The following PTPRM variants were observed in gnomAD, a reference collection of about 807,000 sequenced individuals.
The protein encoded by PTPRM is protein tyrosine phosphatase receptor type M, also known as receptor-type tyrosine-protein phosphatase mu.
A neutral mutation model predicts 186.7 loss-of-function variants in PTPRM; 47 were observed. The ratio of observed to expected loss-of-function variants is 0.25; its 90% confidence interval spans 0.20 to 0.32. The LOEUF (loss-of-function observed/expected upper bound fraction) is 0.32. PTPRM is among the 10% of genes least tolerant of loss of function. The probability of loss-of-function intolerance (pLI) is 1.00; values close to 1 mark genes in which losing one functional copy is unlikely to be tolerated. For missense variants in PTPRM, 1,494 were observed against 1,865.0 expected, an observed-to-expected ratio of 0.80 and a Z score of 3.66; for synonymous variants, 668 against 674.9, an observed-to-expected ratio of 0.99 and a Z score of 0.16.
intron 1 of PTPRM, among the ~76,000 whole-genome samples, chr18:7,718,583 G>T (rs1308214535): frequency 6.6e-6 from 1 of 152,168 alleles, no homozygotes; most frequent in Non-Finnish European, 1.5e-5. Context: ...AAACTAAAAA[G>T]CTTCGGCACA....
intron 1 of PTPRM, among the ~76,000 whole-genome samples, chr18:7,625,929 T>G (rs373225777): frequency 1.3e-5 from 2 of 152,214 alleles, no homozygotes; most frequent in Non-Finnish European, 2.9e-5. Context: ...GTGTGTGACA[T>G]TGGGGCCCAT....
intron 1 of PTPRM, among the ~76,000 whole-genome samples, chr18:7,696,066 A>G (rs1361966383): frequency 6.6e-6 from 1 of 152,174 alleles, no homozygotes; most frequent in Admixed American, 6.6e-5. Context: ...TGAACGTTTA[A>G]GTGTCCCCAA....
At chr18:8,312,192 C>T (rs1286128324) in intron 20 of PTPRM, among the ~76,000 whole-genome samples, 1 of 152,116 alleles carries the variant, frequency 6.6e-6, no homozygotes, top group Non-Finnish European at 1.5e-5. Flanking sequence ...ATGGCATTGC[C>T]GGTGCTTGTG....
chr18:8,306,537 G>T (rs616965), intron 20 of PTPRM, among the ~76,000 whole-genome samples: 12,800 of 152,272 alleles, frequency 0.084, 909 homozygotes, highest in Admixed American at 0.2. Flanking sequence ...AAACTTAGCA[G>T]GCTGTGTGCC....
chr18:7,975,014 A>T (rs1036301533), intron 7 of PTPRM, among the ~76,000 whole-genome samples: 2 of 152,206 alleles, frequency 1.3e-5, no homozygotes, highest in South Asian at 4.1e-4. Flanking sequence ...CAAATTCCTC[A>T]GTGATGCCGA....
chr18:8,150,949 A>G (rs1375050097), intron 14 of PTPRM, among the ~76,000 whole-genome samples: 2 of 152,046 alleles, frequency 1.3e-5, no homozygotes, highest in Non-Finnish European at 2.9e-5. Flanking sequence ...CCTGGGTATC[A>G]CCAGCGGAGA....
At chr18:8,101,081 A>G (rs1287144658) in intron 11 of PTPRM, among the ~76,000 whole-genome samples, 1 of 152,224 alleles carries the variant, frequency 6.6e-6, no homozygotes, top group Admixed American at 6.5e-5. Flanking sequence ...CCCAGCAATA[A>G]GAGAAGGCAT....
chr18:7,954,922 A>T (rs1261830586), intron 6 of PTPRM, among the ~76,000 whole-genome samples, 199 bp from the exon 7 acceptor site: 2 of 152,254 alleles, frequency 1.3e-5, no homozygotes, highest in Non-Finnish European at 2.9e-5. Flanking sequence ...ATGTGTTTAA[A>T]GATGGTTTAT....
At chr18:8,280,222 C>T (rs1024653302) in intron 19 of PTPRM, among the ~76,000 whole-genome samples, 4 of 152,044 alleles carry the variant, frequency 2.6e-5, no homozygotes, top group Non-Finnish European at 5.9e-5. Flanking sequence ...GCACGCATGC[C>T]CCAGGGTCTC....
intron 14 of PTPRM, among the ~76,000 whole-genome samples, chr18:8,229,057 C>T (rs1200425916): frequency 1.3e-5 from 2 of 151,924 alleles, no homozygotes; most frequent in East Asian, 1.9e-4. Flanking sequence ...AGTCAGTGTC[C>T]GTCTGTCTGT....
intron 1 of PTPRM, among the ~76,000 whole-genome samples, chr18:7,589,293 G>T (rs1403264618): frequency 6.6e-6 from 1 of 152,162 alleles, no homozygotes; most frequent in African/African-American, 2.4e-5. Flanking sequence ...ACAGGTGAGG[G>T]GTATGGCTTT....
chr18:7,702,761 C>G (rs2144720841), intron 1 of PTPRM, among the ~76,000 whole-genome samples: 1 of 152,280 alleles, frequency 6.6e-6, no homozygotes, highest in South Asian at 2.1e-4. Flanking sequence ...GTCATGAAGT[C>G]TTTGCCCATG....
intron 1 of PTPRM, among the ~76,000 whole-genome samples, chr18:7,720,883 G>A (rs1367625775): frequency 6.6e-6 from 1 of 152,026 alleles, no homozygotes; most frequent in East Asian, 1.9e-4. Flanking sequence ...TTTATCAGTA[G>A]ACTCTTGGGT....
Position 8,002,607 on chromosome 18 carries a change from CA to C in PTPRM, c.1132+47196del, listed in dbSNP as rs1322330634. Among the ~76,000 whole-genome samples, 2 of 152,170 alleles carry C rather than the reference CA, an allele frequency of 1.3e-5. 1 individual carries two copies. On this transcript the variant is annotated intron_variant, in intron 7 of 32. Coordinates refer to ENST00000580170, the MANE Select transcript of PTPRM (RefSeq NM_001105244.2). The stretch of plus-strand genomic sequence containing the variant: ...TCCGTGATTGTCACAGGGTGGTCTC[CA>C]AACCAGCAAGCATCAGCATCCTGGA...
intron 1 of PTPRM, among the ~76,000 whole-genome samples, chr18:7,585,975 A>C (rs1254122649): frequency 1.3e-5 from 2 of 152,026 alleles, no homozygotes; most frequent in South Asian, 2.1e-4. Context: ...AGAATACTTA[A>C]AATTTCTAGG....
intron 1 of PTPRM, among the ~76,000 whole-genome samples, chr18:7,706,225 GA>G (rs1245199763): frequency 2.6e-5 from 4 of 151,776 alleles, no homozygotes; most frequent in African/African-American, 2.4e-5. Context: ...GAAGTGACAA[GA>G]AAGAGGCAAT....
chr18:7,619,741 A>C (rs1407917400), intron 1 of PTPRM, among the ~76,000 whole-genome samples: 1 of 152,168 alleles, frequency 6.6e-6, no homozygotes, highest in African/African-American at 2.4e-5. Flanking sequence ...TGGATATATG[A>C]ATATTCACAA....
intron 2 of PTPRM, among the ~76,000 whole-genome samples, chr18:7,834,505 C>CACAT (rs149491665): frequency 7.0e-6 from 1 of 143,858 alleles, no homozygotes; most frequent in Non-Finnish European, 1.5e-5. Context: ...CACACACACA[C>CACAT]ACACACACAC....
intron 1 of PTPRM, among the ~76,000 whole-genome samples, chr18:7,584,971 C>T (rs1270001265): frequency 6.6e-6 from 1 of 152,188 alleles, no homozygotes; most frequent in Non-Finnish European, 1.5e-5. Context: ...CCAAGCAAGT[C>T]GAGCCCTCTA....
Sources: gnomAD v4.1 joint callset for allele counts (sites outside exome capture counted in the v4.1 genomes callset) on GRCh38, gnomAD v4.1.1 for gene constraint, MANE v1.5 for transcripts, NCBI Gene and HGNC (gene_info 2026-07-23, HGNC 2026-07-21) for gene names.